ZNF540: variants seen among roughly 807,000 people sequenced by gnomAD.
ZNF540 encodes the protein CTD-3064H18.6.
ZNF540 carries 3 observed loss-of-function variants against 11.8 expected under a neutral mutation model. The observed-to-expected ratio is 0.25, with a 90% confidence interval of 0.12 to 0.65. The LOEUF (loss-of-function observed/expected upper bound fraction) is 0.65. Ranked by LOEUF, ZNF540 falls within the 30% of genes least tolerant of loss-of-function variation. The pLI, the probability that ZNF540 is intolerant of heterozygous loss-of-function variation, is 0.83. For missense variants in ZNF540, 709 were observed against 793.1 expected (o/e 0.89, Z 1.27); for synonymous variants, 247 against 259.0 (o/e 0.95, Z 0.45).
At chr19:37,586,555 G>T in intron 1 of ZNF540, 3 of 1,217,968 alleles carry the variant, frequency 2.5e-6, no homozygotes, top group South Asian at 1.3e-5. Context: ...GGAGACGTTT[G>T]GAAGCAGTTC....
intron 1 of ZNF540, chr19:37,565,593 A>G (rs2042826474): frequency 6.2e-7 from 1 of 1,613,460 alleles, no homozygotes; most frequent in Non-Finnish European, 8.5e-7. Context: ...TTACATTCAT[A>G]GGGTTTTTCA....
At chr19:37,600,717 A>G (rs935899982) in intron 3 of ZNF540, among the ~76,000 whole-genome samples, 3 of 152,234 alleles carry the variant, frequency 2.0e-5, no homozygotes, top group African/African-American at 2.4e-5. Context: ...CTGGCTTCAG[A>G]GGCTATGCCC....
intron 1 of ZNF540, chr19:37,566,454 T>G: frequency 1.3e-6 from 1 of 766,904 alleles, no homozygotes; most frequent in South Asian, 2.3e-5. Context: ...AAGGAGAGAA[T>G]AAAGAAAAAG....
chr19:37,559,073 C>T (rs975625407), intron 1 of ZNF540, among the ~76,000 whole-genome samples: 19 of 151,996 alleles, frequency 1.3e-4, no homozygotes, highest in African/African-American at 4.3e-4. Flanking sequence ...CAAACTCCTG[C>T]GCTCCAGTGA....
rs184496475 is a variant in ZNF540, at chr19:37,602,417, T to C, written c.232+1312T>C. Among the ~76,000 whole-genome samples, 5 of 152,346 alleles carry C rather than the reference T, an allele frequency of 3.3e-5. No individual in the cohort carries two copies. In the East Asian group the frequency reaches 7.7e-4, roughly 23 times the overall value. The stretch of plus-strand genomic sequence containing the variant: ...ATCACTTAGGGCTGATCTGACCTAC[T>C]ACCTGTTTTTGTAAATAAAGTTTTA... On this transcript the variant is annotated intron_variant, in intron 4 of 4. Coordinates refer to ENST00000316433, the MANE Select transcript of ZNF540 (RefSeq NM_001172225.3).
At position 37,568,355 on chromosome 19, in the gene ZNF540, TTAAC is replaced by T. The variant is rs1175325661; in HGVS notation, c.-73+16691_-73+16694del. Among the ~76,000 whole-genome samples, 4 of 146,858 alleles carry T rather than the reference TTAAC, an allele frequency of 2.7e-5. No homozygotes were observed. In the East Asian group the frequency reaches 9.0e-4, roughly 33 times the overall value. On this transcript the variant is annotated intron_variant, in intron 1 of 4. Coordinates refer to the ZNF540 transcript ENST00000592533. ...TGCCATATACACACCACAGCTCAGT[TTAAC>T]ACCAATTCATGTCAGCAACACATCC...
Position 37,601,105 on chromosome 19 carries a change from G to C in ZNF540, c.232G>C (p.Gly78Arg). 6.4e-7 allele frequency: 1 copy of C among 1,570,448 alleles called. No homozygotes were observed. Among genetic ancestry groups the C allele is most frequent in the East Asian group, 2.4e-5 (1 of 42,322 alleles). Residue 78 changes from glycine (G) to arginine (R), a missense_variant and splice_region_variant, in exon 4 of 5, where the codon GGT (glycine) becomes CGT (arginine). Coordinates refer to ENST00000316433, the MANE Select transcript of ZNF540 (RefSeq NM_001172225.3). ...ARDVTGRQCP[G>R]LLSRHKTKKL... Reference sequence around the variant, plus strand: ...GGATGTGACAGGAAGACAGTGCCCCGGTGAGTTGAGAGTTCATCAGGCAGA... The same window carrying C: ...GGATGTGACAGGAAGACAGTGCCCCCGTGAGTTGAGAGTTCATCAGGCAGA...
intron 1 of ZNF540, among the ~76,000 whole-genome samples, chr19:37,560,183 CAGG>C (rs1277635197): frequency 6.8e-6 from 1 of 146,932 alleles, no homozygotes; most frequent in Non-Finnish European, 1.5e-5. Context: ...GAGGCTGAGG[CAGG>C]AGAATTGCTT....
rs755818818 is a variant in ZNF540 at position 37,612,828 on chromosome 19, T to A, written c.1548T>A (p.Ile516=). The change falls in exon 5 of 5, where the codon ATT becomes ATA. Residue 516 remains isoleucine, a synonymous_variant. Coordinates refer to ENST00000316433, the MANE Select transcript of ZNF540 (RefSeq NM_001172225.3). ...TCTACCTTACTGAACACCAGAGAATTCACACTGGTGAAAAGCCCTATAAAT... is the reference window on the plus strand; with the variant it reads ...TCTACCTTACTGAACACCAGAGAATACACACTGGTGAAAAGCCCTATAAAT... ...FGFYLTEHQR[I]HTGEKPYKCK... The A allele has an allele frequency of 1.2e-6, 2 of 1,614,104 alleles. No individual in the cohort carries two copies. Among genetic ancestry groups the A allele is most frequent in the Non-Finnish European group, 1.7e-6 (2 of 1,180,004 alleles).
At chr19:37,590,725 TG>T (rs1049825340), upstream of ZNF540, among the ~76,000 whole-genome samples, 1 of 152,172 alleles carries the variant, frequency 6.6e-6, no homozygotes, top group African/African-American at 2.4e-5. Flanking sequence ...CTATTATTTT[TG>T]CAACTTCTCT....
At chr19:37,589,726 C>T (rs1428254122) in intron 1 of ZNF540, among the ~76,000 whole-genome samples, 1 of 151,458 alleles carries the variant, frequency 6.6e-6, no homozygotes, top group Non-Finnish European at 1.5e-5. Context: ...ATTAGCCAGG[C>T]GTGGTGGCGG....
intron 1 of ZNF540, chr19:37,562,461 G>C (rs1168734188): frequency 2.0e-5 from 3 of 151,994 alleles, no homozygotes. Flanking sequence ...AGTATTTCTT[G>C]GTAACATTTG....
intron 4 of ZNF540, among the ~76,000 whole-genome samples, chr19:37,608,175 T>A (rs2044099215): frequency 6.6e-6 from 1 of 152,228 alleles, no homozygotes; most frequent in Non-Finnish European, 1.5e-5. Flanking sequence ...ATCATGTGTA[T>A]TTACACCTTT....
At position 37,613,983 on chromosome 19, in the gene ZNF540, T is replaced by TCTG. The variant is rs559175080; in HGVS notation, c.*721_*722insTGC. On this transcript the variant is annotated 3_prime_UTR_variant, in exon 5 of 5. Coordinates refer to ENST00000316433, the MANE Select transcript of ZNF540 (RefSeq NM_001172225.3). ...AACCACATGAGGTTACAGCAAGAAGTCAGCAGTCTACAGTGCAAAAGAGGG... is the reference window on the plus strand; with the variant it reads ...AACCACATGAGGTTACAGCAAGAAGTCTGCAGCAGTCTACAGTGCAAAAGAGGG... 125 of 397,266 alleles carry TCTG rather than the reference T, an allele frequency of 3.1e-4. No homozygotes were observed. The highest frequency in any genetic ancestry group is 4.8e-4 in the Non-Finnish European group (108 of 225,440). The allele number at this position is 397,266 out of a possible 1,614,324, so 24.6% of individuals were successfully genotyped here.
In ZNF540 at chr19:37,564,867, G is replaced by T. The variant is rs1343471380; in HGVS notation, c.-73+13202G>T. ...GGTTTTTCACCTCTGTGAATTCTCT[G>T]ATGTTCACTAAGTTGTGAGCCATAA... is the stretch of plus-strand genomic sequence containing the variant. On this transcript the variant is annotated intron_variant, in intron 1 of 4. Coordinates refer to the ZNF540 transcript ENST00000592533. 1 of 1,614,036 alleles carries T rather than the reference G, an allele frequency of 6.2e-7. No homozygotes were observed. The highest frequency in any genetic ancestry group is 8.5e-7 in the Non-Finnish European group (1 of 1,179,964).
At chr19:37,561,530 A>C (rs570342361) in intron 1 of ZNF540, among the ~76,000 whole-genome samples, 17 of 152,350 alleles carry the variant, frequency 1.1e-4, no homozygotes, top group African/African-American at 3.6e-4. Context: ...TGGGTTAAAC[A>C]AAAGATAGTA....
intron 1 of ZNF540, chr19:37,564,006 C>G (rs1204974847): frequency 6.6e-6 from 1 of 152,104 alleles, no homozygotes; most frequent in Non-Finnish European, 1.5e-5. Flanking sequence ...CAACAAAAAA[C>G]AACAGCCCTA....
intron 1 of ZNF540, chr19:37,564,454 G>T: frequency 1.7e-6 from 1 of 589,254 alleles, no homozygotes; most frequent in East Asian, 3.1e-5. Context: ...ATTATTTAAG[G>T]GGTTTCTGAA....
intron 1 of ZNF540, among the ~76,000 whole-genome samples, chr19:37,566,837 A>G: frequency 6.6e-6 from 1 of 152,160 alleles, no homozygotes; most frequent in Non-Finnish European, 1.5e-5. Context: ...AATCTTCCCT[A>G]TTAATGGTCT....
Sources: gnomAD v4.1 joint callset for allele counts (sites outside exome capture counted in the v4.1 genomes callset) on GRCh38, gnomAD v4.1.1 for gene constraint, MANE v1.5 for transcripts, NCBI Gene and HGNC (gene_info 2026-07-23, HGNC 2026-07-21) for gene names.